DAB1: variants seen among roughly 807,000 people sequenced by gnomAD.
DAB1 encodes the protein DAB adaptor protein 1.
A neutral mutation model predicts 64.6 loss-of-function variants in DAB1; 15 were observed. The ratio of observed to expected loss-of-function variants is 0.23; its 90% CI spans 0.16 to 0.36. The LOEUF is 0.36. Among genes scored for constraint, DAB1 ranks in the 10% least tolerant of loss-of-function variants. DAB1 has a pLI of 1.00. For synonymous variants in DAB1, 235 were observed against 251.9 expected (o/e 0.93, Z 0.64); for missense variants, 596 against 706.7 (o/e 0.84, Z 1.78).
At chr1:58,484,992 A>G (rs1645549590) in intron 3 of DAB1, among the ~76,000 whole-genome samples, 2 of 152,044 alleles carry the variant, frequency 1.3e-5, no homozygotes, top group Admixed American at 1.3e-4. Flanking sequence ...GTCATTATAC[A>G]TTTGTCAAAA....
In DAB1 at chr1:57,481,816, C is replaced by CAA. The variant is rs11367788; in HGVS notation, n.625+167774_625+167775dup. ...TGGGTGACAGAGCAAGACTCTGTCT[C>CAA]AAAAAAAAAAAAAAGAGATAATGTA... On this transcript the variant is annotated intron_variant and non_coding_transcript_variant, in intron 7 of 20. Coordinates refer to the DAB1 transcript ENST00000485760. Among the ~76,000 whole-genome samples the CAA allele has an allele frequency of 8.0e-3, 1,023 of 128,128 alleles. 37 individuals are homozygous for CAA. The East Asian group carries it at 0.14, about 18-fold the overall frequency. The allele number at this position is 128,128 out of a possible 152,430, so 84.1% of individuals were successfully genotyped here.
At chr1:57,307,389 C>A (rs1159486491) in intron 1 of DAB1, 1 of 152,390 alleles carries the variant, frequency 6.6e-6, no homozygotes, top group African/African-American at 2.4e-5. Context: ...GTACTGCCAC[C>A]CTGAATGATA....
chr1:57,834,821 T>C (rs1018189866), intron 1 of DAB1, among the ~76,000 whole-genome samples: 1 of 152,132 alleles, frequency 6.6e-6, no homozygotes, highest in Non-Finnish European at 1.5e-5. Flanking sequence ...AGGCTATGTA[T>C]GTCTTTGAGG....
At chr1:58,470,533 C>T (rs1015422439) in intron 3 of DAB1, among the ~76,000 whole-genome samples, 4 of 151,052 alleles carry the variant, frequency 2.6e-5, no homozygotes, top group African/African-American at 9.9e-5. Context: ...ATGCCATCAC[C>T]CTCAATGGTC....
intron 1 of DAB1, among the ~76,000 whole-genome samples, chr1:58,543,193 C>T (rs1646648816): frequency 6.6e-6 from 1 of 152,130 alleles, no homozygotes; most frequent in Non-Finnish European, 1.5e-5. Flanking sequence ...CAATGAGTTT[C>T]TGTATTCTGC....
chr1:58,413,266 T>C (rs954150830), intron 3 of DAB1, among the ~76,000 whole-genome samples: 7 of 152,188 alleles, frequency 4.6e-5, no homozygotes, highest in African/African-American at 1.4e-4. Flanking sequence ...TTCTCATCAG[T>C]ATAACCTTTT....
chr1:58,535,322 G>A (rs4912346), intron 1 of DAB1, among the ~76,000 whole-genome samples: 20,493 of 152,066 alleles, frequency 0.13, 1,523 homozygotes, highest in African/African-American at 0.19. Flanking sequence ...TCAACAAGCG[G>A]CTGGGCATGG....
intron 7 of DAB1, among the ~76,000 whole-genome samples, chr1:57,637,323 T>C (rs776967700): frequency 1.3e-5 from 2 of 152,198 alleles, no homozygotes; most frequent in African/African-American, 4.8e-5. Flanking sequence ...ATATTTTCAA[T>C]GGAGTGTTGT....
chr1:58,449,154 G>A (rs1645104627), intron 3 of DAB1, among the ~76,000 whole-genome samples: 1 of 152,232 alleles, frequency 6.6e-6, no homozygotes, highest in African/African-American at 2.4e-5. Flanking sequence ...GGCCAGAGAG[G>A]CTGTAGGACC....
At position 57,650,027 on chromosome 1, in the gene DAB1, G is replaced by T. The variant is rs375827961; in HGVS notation, n.552-362C>A. ...TTTAATTCATCTGACTTTCTAAAGG[G>T]CTTGGGCTCTTGCCTTGAGATCAGT... On this transcript the variant is annotated intron_variant and non_coding_transcript_variant, in intron 6 of 20. Transcript: ENST00000485760. 9.2e-5 allele frequency among the ~76,000 whole-genome samples: 14 copies of T among 152,214 alleles called. No homozygotes were observed. The South Asian group carries it at 1.0e-3, about 11-fold the overall frequency.
At chr1:57,398,300 T>G (rs1299126942) in intron 1 of DAB1, among the ~76,000 whole-genome samples, 1 of 152,096 alleles carries the variant, frequency 6.6e-6, no homozygotes, top group African/African-American at 2.4e-5. Context: ...GTGAGTGCCC[T>G]CGAGCACAGA....
intron 5 of DAB1, among the ~76,000 whole-genome samples, chr1:58,126,084 G>C (rs1259985397): frequency 1.3e-5 from 2 of 152,238 alleles, no homozygotes; most frequent in African/African-American, 2.4e-5. Flanking sequence ...CTATGAAAAA[G>C]AGCTTTCAAG....
At position 57,541,794 on chromosome 1, in the gene DAB1, G is replaced by A. The variant is rs368723455; in HGVS notation, n.625+107798C>T. On this transcript the variant is annotated intron_variant and non_coding_transcript_variant, in intron 7 of 20. Coordinates refer to the DAB1 transcript ENST00000485760. ...ATTTCAGATATTCCTAACAACCATA[G>A]TCTTACTAATTCTTGCCAACATGCT... 7.2e-5 allele frequency among the ~76,000 whole-genome samples: 11 copies of A among 152,282 alleles called. No homozygotes were observed. The South Asian group carries it at 1.0e-3, about 14-fold the overall frequency.
intron 6 of DAB1, among the ~76,000 whole-genome samples, chr1:57,751,839 A>AAT (rs1648567448): frequency 6.6e-6 from 1 of 152,014 alleles, no homozygotes; most frequent in African/African-American, 2.4e-5. Flanking sequence ...TTACTTAATA[A>AAT]ATAAATAAAT....
chr1:58,428,160 C>T (rs182915598), intron 3 of DAB1, among the ~76,000 whole-genome samples: 2 of 152,312 alleles, frequency 1.3e-5, no homozygotes, highest in Admixed American at 1.3e-4. Context: ...TAGATGATCA[C>T]CATTTTGTTA....
intron 2 of DAB1, among the ~76,000 whole-genome samples, chr1:57,178,670 C>T (rs1224721406): frequency 6.6e-6 from 1 of 151,994 alleles, no homozygotes; most frequent in African/African-American, 2.4e-5. Context: ...AAAATCCAGG[C>T]TGCTGGTTAT....
At chr1:57,251,599 A>G (rs912087299) in intron 2 of DAB1, among the ~76,000 whole-genome samples, 3 of 152,226 alleles carry the variant, frequency 2.0e-5, no homozygotes, top group Admixed American at 2.0e-4. Context: ...ACATCATTAG[A>G]CAGGGCTTAT....
Position 58,477,229 on chromosome 1 carries a change from GACAAA to G in DAB1, n.257+28826_257+28830del, listed in dbSNP as rs894163994. On this transcript the variant is annotated intron_variant and non_coding_transcript_variant, in intron 3 of 20. Transcript: ENST00000485760. ...GAGGATATAATTCAGTACAAAACAA[GACAAA>G]ACAAAACAAAAAAACCTTGTAAACG... 3.9e-5 allele frequency among the ~76,000 whole-genome samples: 6 copies of G among 151,916 alleles called. No homozygotes were observed. The South Asian group carries it at 6.2e-4, about 16-fold the overall frequency.
At chr1:57,883,669 T>C (rs1644179589) in intron 1 of DAB1, among the ~76,000 whole-genome samples, 2 of 152,238 alleles carry the variant, frequency 1.3e-5, no homozygotes, top group African/African-American at 4.8e-5. Flanking sequence ...CTGTGAACAT[T>C]TCTTTTTTCC....
Sources: allele counts gnomAD v4.1 joint callset (sites outside exome capture counted in the v4.1 genomes callset), GRCh38; gene constraint gnomAD v4.1.1; transcripts MANE v1.5; gene names NCBI Gene and HGNC (gene_info 2026-07-23, HGNC 2026-07-21).